Variants in SV2C observed in about 807,000 individuals in gnomAD.
SV2C encodes solute carrier family 22 member B3.
In SV2C, 49 loss-of-function variants were observed where a neutral mutation model predicts 79.7. The observed-to-expected ratio is 0.61, with a 90% CI of 0.49 to 0.78. The LOEUF is 0.78. SV2C is among the 30% of genes least tolerant of loss of function. The pLI is 0.00. For synonymous variants in SV2C, 334 were observed against 333.2 expected, an observed-to-expected ratio of 1.00 and a Z score of -0.03; for missense variants, 833 against 912.9, an observed-to-expected ratio of 0.91 and a Z score of 1.13.
chr5:76,318,601 G>A (rs1236329689), intron 12 of SV2C, among the ~76,000 whole-genome samples: 2 of 152,332 alleles, frequency 1.3e-5, no homozygotes, highest in Admixed American at 6.5e-5. Context: ...TCAGACCAAG[G>A]AAGTTTATGA....
In SV2C at chr5:76,312,600, C is replaced by T. The variant is rs539214035; in HGVS notation, c.2000+11055C>T. On this transcript the variant is annotated intron_variant, in intron 12 of 12. Transcript: ENST00000502798. Reference sequence around the variant, plus strand: ...CCTCCGTGGCGCTCGGGGCCAGGAGCGCACACCTTGTGAGATGCAGCCCAC... The same window carrying T: ...CCTCCGTGGCGCTCGGGGCCAGGAGTGCACACCTTGTGAGATGCAGCCCAC... Among the ~76,000 whole-genome samples, 37 of 152,294 alleles carry T rather than the reference C, an allele frequency of 2.4e-4. No individual in the cohort carries two copies. In the South Asian group the frequency reaches 3.1e-3, roughly 13 times the overall value.
rs898218321 is a variant in SV2C, at chr5:76,088,648, G to C, written c.-102+5136G>C. Among the ~76,000 whole-genome samples, 4 of 152,324 alleles carry C rather than the reference G, an allele frequency of 2.6e-5. No individual in the cohort carries two copies. The East Asian group carries it at 5.8e-4, about 22-fold the overall frequency. ...AGTAAGTTCCAACATATGAATTTGA[G>C]AGGGACACCAGCTTTCAGACCATAG... On this transcript the variant is annotated intron_variant, in intron 1 of 12. Coordinates refer to ENST00000502798, the MANE Select transcript of SV2C (RefSeq NM_014979.4).
chr5:76,076,418 C>A, the SV2C span, among the ~76,000 whole-genome samples: 9 of 152,188 alleles, frequency 5.9e-5, no homozygotes, highest in African/African-American at 1.7e-4. Flanking sequence ...TGAAGTTTAA[C>A]TAAAGAAGTC....
intron 4 of SV2C, among the ~76,000 whole-genome samples, chr5:76,221,776 AAT>A (rs1456942716): frequency 6.6e-6 from 1 of 152,116 alleles, no homozygotes; most frequent in Non-Finnish European, 1.5e-5. Flanking sequence ...CCCCAAACCA[AAT>A]GTGAATCTGA....
chr5:76,075,566 T>G, the SV2C span: 1 of 178,782 alleles, frequency 5.6e-6, no homozygotes, highest in Non-Finnish European at 1.3e-5. Flanking sequence ...TGGAAGAAAT[T>G]AACAAAGATC....
the SV2C span, among the ~76,000 whole-genome samples, chr5:75,872,155 A>T: frequency 1.0e-4 from 15 of 149,886 alleles, no homozygotes; most frequent in African/African-American, 3.7e-4. Flanking sequence ...AATATCATCA[A>T]TGATGGGACA....
chr5:76,216,745 C>T (rs1430432255), intron 4 of SV2C, among the ~76,000 whole-genome samples: 1 of 152,094 alleles, frequency 6.6e-6, no homozygotes, highest in East Asian at 1.9e-4. Context: ...AGCCTTCCTG[C>T]CCTTCCTTTC....
the SV2C span, among the ~76,000 whole-genome samples, chr5:76,049,153 T>G: frequency 6.6e-6 from 1 of 151,576 alleles, no homozygotes; most frequent in Non-Finnish European, 1.5e-5. Flanking sequence ...CTGGCTAACA[T>G]GATGAAACAC....
chr5:75,851,317 G>A, the SV2C span, among the ~76,000 whole-genome samples: 1 of 152,124 alleles, frequency 6.6e-6, no homozygotes, highest in Non-Finnish European at 1.5e-5. Context: ...GTGCATAGCT[G>A]AACTATGTTC....
rs373279209 is a variant in SV2C, at chr5:76,202,015, CAAAAAAAAA to C, written c.761+6929_761+6937del. ...TGGGCGACAGAGCGAGACTCCATCT[CAAAAAAAAA>C]AAAAAAAAAAAAGAAAGAAAAAGAA... is the stretch of plus-strand genomic sequence containing the variant. On this transcript the variant is annotated intron_variant, in intron 3 of 12. Coordinates refer to ENST00000502798, the MANE Select transcript of SV2C (RefSeq NM_014979.4). Among the ~76,000 whole-genome samples the C allele has an allele frequency of 5.4e-4, 44 of 82,140 alleles. No individual in the cohort carries two copies. In the Admixed American group the frequency reaches 5.4e-3, roughly 10 times the overall value. 53.9% of individuals were successfully genotyped at this position (82,140 alleles called of 152,430 possible).
intron 4 of SV2C, among the ~76,000 whole-genome samples, chr5:76,242,565 C>T (rs1745821660): frequency 1.3e-5 from 2 of 152,080 alleles, no homozygotes; most frequent in Non-Finnish European, 2.9e-5. Flanking sequence ...AAACGCTGGC[C>T]TCATGGCTTC....
the SV2C span, among the ~76,000 whole-genome samples, chr5:76,001,017 A>C: frequency 1.3e-5 from 2 of 152,040 alleles, no homozygotes; most frequent in African/African-American, 4.8e-5. Flanking sequence ...AAAAAAAAAA[A>C]AAAAACTAAC....
the SV2C span, among the ~76,000 whole-genome samples, chr5:76,071,101 A>G: frequency 6.6e-6 from 1 of 152,230 alleles, no homozygotes; most frequent in African/African-American, 2.4e-5. Flanking sequence ...CTTCTTTCCT[A>G]GGTTTTTTGA....
chr5:76,275,844 T>G (rs1394022742), intron 4 of SV2C, among the ~76,000 whole-genome samples: 2 of 152,260 alleles, frequency 1.3e-5, no homozygotes, highest in African/African-American at 2.4e-5. Flanking sequence ...TATCTGTAGA[T>G]AAATTCCTCG....
At chr5:76,145,494 T>G (rs1343114957) in intron 2 of SV2C, among the ~76,000 whole-genome samples, 3 of 152,230 alleles carry the variant, frequency 2.0e-5, no homozygotes, top group Non-Finnish European at 4.4e-5. Flanking sequence ...TTTAAGTCAT[T>G]ACCAAAAATA....
the SV2C span, among the ~76,000 whole-genome samples, chr5:76,035,429 A>C: frequency 3.9e-5 from 6 of 151,916 alleles, no homozygotes; most frequent in South Asian, 2.1e-4. Flanking sequence ...GAATGTGTCC[A>C]AGAGATTCTG....
the SV2C span, among the ~76,000 whole-genome samples, chr5:75,981,965 T>C: frequency 6.6e-6 from 1 of 151,558 alleles, no homozygotes; most frequent in African/African-American, 2.4e-5. Flanking sequence ...TTGCAAACTA[T>C]ACATCTGACA....
chr5:76,175,429 G>A (rs34101768), intron 2 of SV2C, among the ~76,000 whole-genome samples: 15,409 of 152,032 alleles, frequency 0.1, 934 homozygotes, highest in Non-Finnish European at 0.13. Flanking sequence ...TATATATATG[G>A]CTTTAACTAA....
At chr5:75,984,567 A>ATCTATCTATCTATCTATATC in the SV2C span, among the ~76,000 whole-genome samples, 28 of 102,922 alleles carry the variant, frequency 2.7e-4, no homozygotes, top group Non-Finnish European at 4.2e-4. Context: ...CTATCTATCT[A>ATCTATCTATCTATCTATATC]TATCTATCTA....
Sources: allele counts gnomAD v4.1 joint callset (sites outside exome capture counted in the v4.1 genomes callset), GRCh38; gene constraint gnomAD v4.1.1; transcripts MANE v1.5; gene names NCBI Gene and HGNC (gene_info 2026-07-23, HGNC 2026-07-21).